The following L3MBTL1 variants were observed in gnomAD, a reference collection of about 807,000 sequenced individuals.
The protein encoded by L3MBTL1 is L3MBTL histone methyl-lysine binding protein 1, also known as lethal(3)malignant brain tumor-like protein 1.
A neutral mutation model predicts 105.3 loss-of-function variants in L3MBTL1; 75 were observed. The observed-to-expected ratio is 0.71, with a 90% CI of 0.59 to 0.86. The LOEUF (loss-of-function observed/expected upper bound fraction) is 0.86. L3MBTL1 is among the 40% of genes least tolerant of loss of function. The pLI, the probability that L3MBTL1 is intolerant of heterozygous loss-of-function variation, is 0.00. For missense variants in L3MBTL1, 1,069 were observed against 1,126.4 expected, an observed-to-expected ratio of 0.95 and a Z score of 0.73; for synonymous variants, 452 against 436.2, an observed-to-expected ratio of 1.04 and a Z score of -0.45.
intron 3 of L3MBTL1, 147 bp downstream of exon 3, chr20:43,514,208 G>A: frequency 1.2e-6 from 1 of 821,674 alleles, no homozygotes; most frequent in Non-Finnish European, 1.9e-6. Context: ...AGGGACTCTC[G>A]GGGCGTGGCT....
exon 19 of L3MBTL1, chr20:43,548,301 T>G: frequency 7.8e-7 from 1 of 1,283,058 alleles, no homozygotes; most frequent in Non-Finnish European, 1.0e-6. Context: ...CTCCAGCTGA[T>G]GCTTTCTTCC....
rs2272964 is a variant in L3MBTL1 at position 43,516,052 on chromosome 20, C to T, written c.778-41C>T. The T allele has an allele frequency of 3.0e-3, 4,459 of 1,491,602 alleles. 88 individuals are homozygous for T. In the East Asian group the frequency reaches 0.034, roughly 11 times the overall value. 92.4% of individuals were successfully genotyped at this position (1,491,602 alleles called of 1,614,324 possible). A position where few individuals can be genotyped will look rare whatever the true frequency, so the allele number is the denominator to read the frequency against. On this transcript the variant is annotated intron_variant, in intron 6 of 21. Coordinates refer to ENST00000418998, the MANE Select transcript of L3MBTL1 (RefSeq NM_001377303.1). ...TCAGACCCTAGGGCTTCATCCCAAACCATGAGGAGAAGAAGCTGGGATCAG... is the reference window on the plus strand; with the variant it reads ...TCAGACCCTAGGGCTTCATCCCAAATCATGAGGAGAAGAAGCTGGGATCAG...
In L3MBTL1 at chr20:43,510,720, T is replaced by G. The variant is rs560750079; in HGVS notation, c.-28-2756T>G. Among the ~76,000 whole-genome samples the G allele has an allele frequency of 2.5e-4, 37 of 149,520 alleles. No individual in the cohort carries two copies. In the South Asian group the frequency reaches 7.9e-3, roughly 32 times the overall value. On this transcript the variant is annotated intron_variant, in intron 1 of 21. Transcript: ENST00000418998. ...GCGTGAGCCACTGCGCCCAGCTAAT[T>G]TTTTTTTTTTCTTTAGAGACAGGGT...
chr20:43,512,658 A>G (rs909394740), intron 1 of L3MBTL1, among the ~76,000 whole-genome samples: 12 of 152,230 alleles, frequency 7.9e-5, no homozygotes, highest in Admixed American at 5.9e-4. Flanking sequence ...TCTCATTATC[A>G]CAGAAAATTC....
At chr20:43,514,944 C>T (rs2018297682) in intron 4 of L3MBTL1, 65 bp from the exon 5 acceptor site, 13 of 1,568,018 alleles carry the variant, frequency 8.3e-6, no homozygotes, top group Middle Eastern at 2.0e-4. Context: ...CCTGAGGGGG[C>T]GTGGGCGGAG....
chr20:43,549,374 C>A (rs1978836809), exon 19 of L3MBTL1: 1 of 152,352 alleles, frequency 6.6e-6, no homozygotes, highest in Non-Finnish European at 1.5e-5. Flanking sequence ...CAGCGTCTTA[C>A]AAAGACGACT....
chr20:43,533,034 G>T (rs2019422267), intron 12 of L3MBTL1, 110 bp downstream of exon 12: 2 of 1,064,156 alleles, frequency 1.9e-6, no homozygotes, highest in Non-Finnish European at 2.8e-6. Context: ...CTGACATTCA[G>T]ATCTTCCTCC....
Position 43,513,743 on chromosome 20 carries a change from C to T in L3MBTL1, c.137-95C>T, listed in dbSNP as rs929675388. On this transcript the variant is annotated intron_variant, in intron 2 of 21. Coordinates refer to ENST00000418998, the MANE Select transcript of L3MBTL1 (RefSeq NM_001377303.1). ...GGATGACCGTTTTCACTGTCCTCCA[C>T]CTGCCTTCCTTCACATGCCTACACA... 16 of 1,536,740 alleles carry T rather than the reference C, an allele frequency of 1.0e-5. No individual in the cohort carries two copies. In the African/African-American group the frequency reaches 1.8e-4, roughly 17 times the overall value.
chr20:43,536,875 C>G (rs1600955086), intron 19 of L3MBTL1, among the ~76,000 whole-genome samples: 1 of 152,334 alleles, frequency 6.6e-6, no homozygotes, highest in Middle Eastern at 3.4e-3. Flanking sequence ...TGGATAAAAC[C>G]TGCCTTTCCA....
intron 7 of L3MBTL1, among the ~76,000 whole-genome samples, chr20:43,518,903 G>C (rs1450791506): frequency 7.1e-6 from 1 of 140,440 alleles, no homozygotes; most frequent in African/African-American, 2.7e-5. Flanking sequence ...GCTCGCACCT[G>C]TAATCTCAGC....
At chr20:43,542,926 C>T (rs1031571703), downstream of L3MBTL1, among the ~76,000 whole-genome samples, 4 of 152,144 alleles carry the variant, frequency 2.6e-5, no homozygotes, top group African/African-American at 9.7e-5. Context: ...TAATGGTCAA[C>T]ATTAGGGTTA....
At chr20:43,514,917 C>T in intron 4 of L3MBTL1, 92 bp from the exon 5 acceptor site, 2 of 1,508,638 alleles carry the variant, frequency 1.3e-6, no homozygotes, top group Non-Finnish European at 1.8e-6. Flanking sequence ...CGGAGATGGA[C>T]CGAGGCGGAG....
chr20:43,530,946 C>T, intron 11 of L3MBTL1, 57 bp downstream of exon 11: 1 of 1,441,634 alleles, frequency 6.9e-7, no homozygotes, highest in Non-Finnish European at 9.6e-7. Context: ...TTCACTGCAG[C>T]TGGCCCAGGG....
exon 19 of L3MBTL1, chr20:43,548,536 G>A (rs868253363): frequency 5.1e-6 from 1 of 194,312 alleles, no homozygotes; most frequent in African/African-American, 2.4e-5. Flanking sequence ...AGCCCCAGTG[G>A]ACTTTTATTG....
chr20:43,515,295 A>T lies in L3MBTL1; in HGVS notation c.657A>T (p.Ser219=), dbSNP rs775840279. 24 of 1,606,666 alleles carry T rather than the reference A, an allele frequency of 1.5e-5. No homozygotes were observed. Among genetic ancestry groups the T allele is most frequent in the Middle Eastern group, 1.7e-4 (1 of 6,052 alleles). The change falls in exon 6 of 22, where the codon TCA becomes TCT. Residue 219 remains serine (S), a synonymous_variant. Transcript: ENST00000418998. ...DGCPQLFQER[S]VIVENSSGST... ...CCTAAGGCTGGCCCTTCCTCAGGTC[A>T]GTCATAGTGGAGAACTCCTCAGGCT...
chr20:43,531,188 C>G, intron 11 of L3MBTL1: 1 of 337,966 alleles, frequency 3.0e-6, no homozygotes, highest in Non-Finnish European at 5.4e-6. Flanking sequence ...TGTCATTGCT[C>G]ATATATTCTT....
At chr20:43,547,656 G>C (rs572818661) in intron 18 of L3MBTL1, among the ~76,000 whole-genome samples, 31 of 152,214 alleles carry the variant, frequency 2.0e-4, no homozygotes, top group African/African-American at 7.5e-4. Flanking sequence ...TATGTACTTT[G>C]TACTGCCTCA....
At chr20:43,535,966 C>T (rs770584921) in intron 17 of L3MBTL1, 30 bp downstream of exon 17, 1 of 1,599,490 alleles carries the variant, frequency 6.3e-7, no homozygotes, top group South Asian at 1.1e-5. Context: ...GAGAGACCCT[C>T]AGCGTTGTTT....
intron 17 of L3MBTL1, 60 bp from the exon 18 acceptor site, chr20:43,536,037 C>T (rs1387309445): frequency 1.9e-6 from 3 of 1,601,082 alleles, no homozygotes; most frequent in Non-Finnish European, 2.6e-6. Context: ...GGGACCAGGG[C>T]TGAGGAGGGC....
Sources: allele counts gnomAD v4.1 joint callset (sites outside exome capture counted in the v4.1 genomes callset), GRCh38; gene constraint gnomAD v4.1.1; transcripts MANE v1.5; gene names NCBI Gene and HGNC (gene_info 2026-07-23, HGNC 2026-07-21).